GLIS3: variants seen among roughly 807,000 people sequenced by gnomAD.
GLIS3 encodes GLIS family zinc finger 3.
GLIS3 carries 53 observed loss-of-function variants against 78.6 expected under a neutral mutation model. The ratio of observed to expected loss-of-function variants is 0.67; its 90% CI spans 0.54 to 0.85. The LOEUF (loss-of-function observed/expected upper bound fraction) is 0.85. GLIS3 is among the 40% of genes least tolerant of loss of function. The pLI, the probability that GLIS3 is intolerant of heterozygous loss-of-function variation, is 0.00. For missense variants in GLIS3, 1,703 were observed against 1,231.1 expected (o/e 1.38, Z -5.74); for synonymous variants, 684 against 509.9 (o/e 1.34, Z -4.60).
Position 4,045,750 on chromosome 9 carries a change from G to T in GLIS3, c.1710+72018C>A, listed in dbSNP as rs184114871. Among the ~76,000 whole-genome samples the T allele has an allele frequency of 1.5e-4, 23 of 152,220 alleles. 1 individual carries two copies. The East Asian group carries it at 4.4e-3, about 29-fold the overall frequency. ...GAGGCTGAAGGTGAAATTAAACACA[G>T]TCTCGCAATCACAGCTCTAGATATT... is the stretch of plus-strand genomic sequence containing the variant. On this transcript the variant is annotated intron_variant, in intron 4 of 10. Coordinates refer to ENST00000381971, the MANE Select transcript of GLIS3 (RefSeq NM_001042413.2).
chr9:4,423,400 T>A, the GLIS3 span, among the ~76,000 whole-genome samples: 1 of 151,992 alleles, frequency 6.6e-6, no homozygotes, highest in African/African-American at 2.4e-5. Context: ...ACCCATCTTT[T>A]CCCAGCTGGA....
rs117408829 is a variant in GLIS3 at position 3,924,969 on chromosome 9, A to G, written c.1983+7391T>C. ...TTTCCATAAGGTAGCTGTGCTAGGC[A>G]CTGTACAGCCTGAATAGCTCATTAA... On this transcript the variant is annotated intron_variant, in intron 6 of 10. Transcript: ENST00000381971. Among the ~76,000 whole-genome samples the G allele has an allele frequency of 6.6e-3, 1,002 of 152,314 alleles. 2 individuals are homozygous for G. Among genetic ancestry groups the G allele is most frequent in the Non-Finnish European group, 0.011 (719 of 68,026 alleles).
At chr9:4,303,014 G>A (rs1375315705), upstream of GLIS3, among the ~76,000 whole-genome samples, 1 of 152,114 alleles carries the variant, frequency 6.6e-6, no homozygotes, top group Non-Finnish European at 1.5e-5. Context: ...CAAAGCTAGA[G>A]TACAAAATAG....
intron 2 of GLIS3, among the ~76,000 whole-genome samples, chr9:4,314,479 T>A (rs1388673504): frequency 3.3e-5 from 5 of 152,244 alleles, no homozygotes; most frequent in African/African-American, 1.2e-4. Context: ...TAAATACTGC[T>A]TTTTCCATTT....
At chr9:3,915,461 C>T (rs534837588) in intron 6 of GLIS3, among the ~76,000 whole-genome samples, 2 of 152,106 alleles carry the variant, frequency 1.3e-5, no homozygotes, top group Non-Finnish European at 2.9e-5. Context: ...GAAACAAGAC[C>T]GGGTCAAGAG....
intron 2 of GLIS3, among the ~76,000 whole-genome samples, chr9:4,142,960 T>A (rs548944221): frequency 9.2e-5 from 14 of 152,272 alleles, no homozygotes; most frequent in African/African-American, 3.4e-4. Flanking sequence ...ATTTCACAGG[T>A]ATCCGCTTCC....
chr9:4,093,516 G>C (rs938870488), intron 4 of GLIS3, among the ~76,000 whole-genome samples: 3 of 152,138 alleles, frequency 2.0e-5, no homozygotes, highest in Non-Finnish European at 2.9e-5. Context: ...AAATAACTCA[G>C]GGTGCTGGCC....
At chr9:4,407,956 A>C in the GLIS3 span, among the ~76,000 whole-genome samples, 1 of 152,228 alleles carries the variant, frequency 6.6e-6, no homozygotes, top group East Asian at 1.9e-4. Flanking sequence ...AAATGGGCAA[A>C]GATCTGAAAA....
At chr9:4,173,414 T>A (rs1816542861) in intron 2 of GLIS3, among the ~76,000 whole-genome samples, 1 of 152,162 alleles carries the variant, frequency 6.6e-6, no homozygotes, top group African/African-American at 2.4e-5. Context: ...GTGCCACGTG[T>A]GTCTTCTTAT....
chr9:4,166,504 G>T (rs977483755), intron 2 of GLIS3, among the ~76,000 whole-genome samples: 5 of 152,222 alleles, frequency 3.3e-5, no homozygotes, highest in Non-Finnish European at 2.9e-5. Context: ...CATTCTTACA[G>T]CAAAGGGCAG....
intron 2 of GLIS3, among the ~76,000 whole-genome samples, chr9:4,164,421 G>C (rs1309705082): frequency 1.3e-5 from 2 of 152,186 alleles, no homozygotes; most frequent in African/African-American, 2.4e-5. Context: ...GTGATAAAGA[G>C]GAACAATGCA....
intron 5 of GLIS3, among the ~76,000 whole-genome samples, chr9:3,935,776 A>T (rs1007516585): frequency 3.0e-4 from 46 of 151,878 alleles, no homozygotes; most frequent in Non-Finnish European, 1.5e-4. Context: ...ACATGTATTC[A>T]TTTAGTGTTC....
intron 4 of GLIS3, among the ~76,000 whole-genome samples, chr9:3,983,702 T>C (rs190376764): frequency 5.3e-5 from 8 of 152,218 alleles, no homozygotes; most frequent in South Asian, 4.1e-4. Flanking sequence ...TCCCCTGCCA[T>C]AGAGATGTGT....
At chr9:3,861,546 T>C (rs553586445) in intron 8 of GLIS3, among the ~76,000 whole-genome samples, 2 of 254 alleles carry the variant, frequency 7.9e-3, no homozygotes, top group African/African-American at 0.026. Flanking sequence ...CAAATGCCCA[T>C]CAAGATAGAC....
the GLIS3 span, among the ~76,000 whole-genome samples, chr9:4,392,976 T>A: frequency 6.6e-6 from 1 of 152,168 alleles, no homozygotes; most frequent in East Asian, 1.9e-4. Context: ...TAACTTGTTT[T>A]TTAAAGTGAG....
intron 4 of GLIS3, among the ~76,000 whole-genome samples, chr9:4,105,349 G>A (rs1443712944): frequency 6.6e-6 from 1 of 152,172 alleles, no homozygotes; most frequent in Admixed American, 6.5e-5. Flanking sequence ...CCCAGGCACA[G>A]CTGTTTGACA....
At chr9:4,238,859 C>G (rs1823024239) in intron 2 of GLIS3, among the ~76,000 whole-genome samples, 2 of 152,208 alleles carry the variant, frequency 1.3e-5, no homozygotes, top group South Asian at 2.1e-4. Context: ...GAGAGATGGA[C>G]TCTAACTACT....
chr9:4,206,205 G>T (rs1268074777), intron 2 of GLIS3, among the ~76,000 whole-genome samples: 1 of 152,158 alleles, frequency 6.6e-6, no homozygotes, highest in Non-Finnish European at 1.5e-5. Context: ...GTGACCAAGG[G>T]ATATTGCAAG....
intron 4 of GLIS3, among the ~76,000 whole-genome samples, chr9:4,025,517 A>G (rs1823257391): frequency 2.6e-5 from 4 of 151,982 alleles, no homozygotes; most frequent in Admixed American, 2.6e-4. Context: ...CCTCCCGAGT[A>G]GCTGGGATTA....
Sources: gnomAD v4.1 joint callset for allele counts (sites outside exome capture counted in the v4.1 genomes callset) on GRCh38, gnomAD v4.1.1 for gene constraint, MANE v1.5 for transcripts, NCBI Gene and HGNC (gene_info 2026-07-23, HGNC 2026-07-21) for gene names.